MBTD1: variants seen among roughly 807,000 people sequenced by gnomAD.
MBTD1 encodes MBT domain-containing protein 1.
MBTD1 carries 24 observed loss-of-function variants against 87.8 expected under a neutral mutation model. The ratio of observed to expected loss-of-function variants is 0.27; its 90% CI spans 0.20 to 0.38. The LOEUF is 0.38. Ranked by LOEUF, MBTD1 falls within the 10% of genes least tolerant of loss-of-function variation. The probability of loss-of-function intolerance (pLI) is 1.00; values close to 1 mark genes in which losing one functional copy is unlikely to be tolerated. For synonymous variants in MBTD1, 237 were observed against 248.6 expected (o/e 0.95, Z 0.44); for missense variants, 436 against 760.2 (o/e 0.57, Z 5.02).
rs998589611 is a variant in MBTD1 at position 51,204,033 on chromosome 17, C to T, written c.605-108G>A. ...TAGTGTCTATCTGCAATACAATCAC[C>T]TGCAGGGTTTGTTAACAGACAGATG... On this transcript the variant is annotated intron_variant, in intron 7 of 16. Coordinates refer to ENST00000586178, the MANE Select transcript of MBTD1 (RefSeq NM_017643.3). 7 of 847,566 alleles carry T rather than the reference C, an allele frequency of 8.3e-6. No homozygotes were observed. The Admixed American group carries it at 1.5e-4, about 18-fold the overall frequency. 52.5% of individuals were successfully genotyped at this position (847,566 alleles called of 1,614,324 possible). A position where few individuals can be genotyped will look rare whatever the true frequency, so the allele number is the denominator to read the frequency against.
chr17:51,197,969 C>T (rs2051232299), intron 12 of MBTD1, among the ~76,000 whole-genome samples: 1 of 152,156 alleles, frequency 6.6e-6, no homozygotes, highest in African/African-American at 2.4e-5. Flanking sequence ...GTTTTGATGA[C>T]CTCATCCACC....
chr17:51,214,609 T>A (rs1228447885), intron 6 of MBTD1, among the ~76,000 whole-genome samples: 2 of 152,144 alleles, frequency 1.3e-5, no homozygotes, highest in African/African-American at 2.4e-5. Context: ...TCTGACAGCG[T>A]CCCCATCCCA....
intron 6 of MBTD1, among the ~76,000 whole-genome samples, chr17:51,207,333 A>G (rs1168840915): frequency 6.6e-6 from 1 of 152,220 alleles, no homozygotes; most frequent in Non-Finnish European, 1.5e-5. Context: ...GAAATTTTTA[A>G]TATGTACTGA....
At chr17:51,238,165 G>T (rs957138285) in intron 2 of MBTD1, among the ~76,000 whole-genome samples, 14 of 152,136 alleles carry the variant, frequency 9.2e-5, no homozygotes, top group African/African-American at 2.9e-4. Context: ...ATACTACCTA[G>T]ATTGTGGTGA....
At chr17:51,211,957 A>G (rs2052250921) in intron 6 of MBTD1, among the ~76,000 whole-genome samples, 1 of 152,198 alleles carries the variant, frequency 6.6e-6, no homozygotes, top group South Asian at 2.1e-4. Context: ...GCAAAAAAAC[A>G]TGGTAACTTT....
intron 15 of MBTD1, 76 bp from the exon 16 acceptor site, chr17:51,192,356 T>C (rs2050854510): frequency 7.1e-6 from 7 of 982,824 alleles, no homozygotes; most frequent in Non-Finnish European, 1.1e-5. Context: ...AGATACAACT[T>C]ATATGAACTA....
intron 7 of MBTD1, among the ~76,000 whole-genome samples, chr17:51,206,220 T>C (rs2051823253): frequency 6.6e-6 from 1 of 152,174 alleles, no homozygotes; most frequent in Non-Finnish European, 1.5e-5. Flanking sequence ...ACCCAAGATA[T>C]ATAAAATTAT....
At chr17:51,220,917 T>C (rs1715970272) in intron 3 of MBTD1, among the ~76,000 whole-genome samples, 1 of 152,008 alleles carries the variant, frequency 6.6e-6, no homozygotes, top group Non-Finnish European at 1.5e-5. Flanking sequence ...TAAAAAGAGG[T>C]AATACTTGGA....
intron 2 of MBTD1, among the ~76,000 whole-genome samples, chr17:51,245,636 G>A (rs1449018781): frequency 1.3e-5 from 2 of 151,778 alleles, no homozygotes; most frequent in African/African-American, 4.8e-5. Flanking sequence ...CTTTATCTCA[G>A]TGATTTAAAA....
Position 51,179,514 on chromosome 17 carries a change from A to ATATTTATATT in MBTD1, c.*1061_*1062insAATATAAATA, listed in dbSNP as rs1568136164. The ATATTTATATT allele has an allele frequency of 1.0e-5, 1 of 96,108 alleles. No homozygotes were observed. The highest frequency in any genetic ancestry group is 2.1e-5 in the Non-Finnish European group (1 of 47,754). 6.0% of individuals were successfully genotyped at this position (96,108 alleles called of 1,614,324 possible). On this transcript the variant is annotated 3_prime_UTR_variant, in exon 17 of 17. Coordinates refer to ENST00000586178, the MANE Select transcript of MBTD1 (RefSeq NM_017643.3). The stretch of plus-strand genomic sequence containing the variant: ...TATATATATATATATATATATATAT[A>ATATTTATATT]TATATATATATATATATATATATGG...
intron 2 of MBTD1, among the ~76,000 whole-genome samples, chr17:51,241,258 G>A (rs1371522439): frequency 6.6e-6 from 1 of 152,124 alleles, no homozygotes; most frequent in Non-Finnish European, 1.5e-5. Flanking sequence ...ACAGGTGTGA[G>A]CTGCTGCACC....
rs780727825 is a variant in MBTD1, at chr17:51,203,793, C to A, written c.737G>T (p.Arg246Ile). ...AASGKPLVPP[R>I]TIQHKYTNWK... Reference sequence around the variant, plus strand: ...GTAAGGGTAAATAAACTACTTACTTCTAGGAGGAACAAGAGGTTTTCCGCT... The same window carrying A: ...GTAAGGGTAAATAAACTACTTACTTATAGGAGGAACAAGAGGTTTTCCGCT... The change falls in exon 8 of 17, where the codon AGA becomes ATA. Residue 246 changes from arginine to isoleucine, a missense_variant and splice_region_variant. Physicochemically the swap from Arg to Ile is moderately conservative, Grantham distance 97. Around this residue, in one of 5 missense-constraint regions of MBTD1, gnomAD observed 268 missense variants for 401.8 expected, o/e 0.67. Coordinates refer to ENST00000586178, the MANE Select transcript of MBTD1 (RefSeq NM_017643.3). 10 of 1,609,814 alleles carry A rather than the reference C, an allele frequency of 6.2e-6. No homozygotes were observed. In the Admixed American group the frequency reaches 1.2e-4, roughly 19 times the overall value.
intron 4 of MBTD1, among the ~76,000 whole-genome samples, chr17:51,220,052 G>A (rs2052797743): frequency 6.6e-6 from 1 of 152,150 alleles, no homozygotes; most frequent in Non-Finnish European, 1.5e-5. Flanking sequence ...TTCAATTTCT[G>A]TATATAAAAA....
At chr17:51,242,978 CTCGTT>C (rs2054238670) in intron 2 of MBTD1, among the ~76,000 whole-genome samples, 1 of 152,160 alleles carries the variant, frequency 6.6e-6, no homozygotes, top group South Asian at 2.1e-4. Flanking sequence ...CAACAAATCT[CTCGTT>C]TCAACATTTA....
intron 2 of MBTD1, among the ~76,000 whole-genome samples, chr17:51,254,661 A>G (rs1297553701): frequency 6.6e-6 from 1 of 152,206 alleles, no homozygotes; most frequent in Non-Finnish European, 1.5e-5. Context: ...GGATGTAACA[A>G]TTACTTGGGT....
At chr17:51,258,659 T>A (rs1005915848) in intron 2 of MBTD1, among the ~76,000 whole-genome samples, 1 of 152,190 alleles carries the variant, frequency 6.6e-6, no homozygotes, top group Admixed American at 6.5e-5. Flanking sequence ...GTTTTAGACA[T>A]CCTTAGAAGT....
intron 7 of MBTD1, among the ~76,000 whole-genome samples, chr17:51,205,207 G>A (rs1038726172): frequency 3.3e-5 from 5 of 152,154 alleles, no homozygotes; most frequent in African/African-American, 1.2e-4. Context: ...TAAATGTTCA[G>A]TTTTAAAATT....
At chr17:51,200,707 T>C (rs994770058) in intron 12 of MBTD1, among the ~76,000 whole-genome samples, 1 of 149,692 alleles carries the variant, frequency 6.7e-6, no homozygotes, top group African/African-American at 2.5e-5. Flanking sequence ...CTACAAAATA[T>C]ACAAAAATTA....
chr17:51,180,783 G>C (rs1223038892), intron 16 of MBTD1, 89 bp from the exon 17 acceptor site: 3 of 709,968 alleles, frequency 4.2e-6, no homozygotes, highest in East Asian at 2.7e-5. Flanking sequence ...CAGCTTTACA[G>C]TTATTAAGAC....
Sources: allele counts gnomAD v4.1 joint callset (sites outside exome capture counted in the v4.1 genomes callset), GRCh38; gene constraint gnomAD v4.1.1; regional missense constraint gnomAD v4.1.1; transcripts MANE v1.5; gene names NCBI Gene and HGNC (gene_info 2026-07-23, HGNC 2026-07-21).